Variants in CAPS2 observed in about 807,000 individuals in gnomAD.
CAPS2 encodes the protein calcyphosine 2.
In CAPS2, 98 loss-of-function variants were observed where a neutral mutation model predicts 86.5. The observed-to-expected ratio is 1.13, with a 90% confidence interval of 0.96 to 1.34. CAPS2 has a LOEUF of 1.34. Ranked by LOEUF, CAPS2 falls within the 40% of genes most tolerant of loss-of-function variation. The pLI is 0.00. For missense variants in CAPS2, 729 were observed against 686.8 expected, an observed-to-expected ratio of 1.06 and a Z score of -0.69; for synonymous variants, 210 against 225.1, an observed-to-expected ratio of 0.93 and a Z score of 0.60.
At chr12:75,316,554 T>C (rs2039784396) in intron 5 of CAPS2, 120 bp from the exon 6 acceptor site, 1 of 929,372 alleles carries the variant, frequency 1.1e-6, no homozygotes. Context: ...CAGTTAAAAG[T>C]ACAGGCTCTG....
At chr12:75,383,227 A>G (rs1459376908) in intron 1 of CAPS2, among the ~76,000 whole-genome samples, 1 of 152,224 alleles carries the variant, frequency 6.6e-6, no homozygotes, top group African/African-American at 2.4e-5. Context: ...ACTGACAGAT[A>G]CGAAAGATTG....
intron 1 of CAPS2, among the ~76,000 whole-genome samples, chr12:75,377,607 T>A (rs1425585403): frequency 6.6e-6 from 1 of 152,122 alleles, no homozygotes; most frequent in Non-Finnish European, 1.5e-5. Context: ...AGGAGAAAGA[T>A]GAAGGCTGAA....
chr12:75,322,911 G>C (rs11829763), intron 4 of CAPS2: 1 of 920,510 alleles, frequency 1.1e-6, no homozygotes, highest in African/African-American at 1.7e-5. Flanking sequence ...GCAAAACATA[G>C]ACTGAACATA....
At position 75,307,322 on chromosome 12, in the gene CAPS2, C is replaced by T. The variant is rs1352616746; in HGVS notation, c.660-2446G>A. 3.9e-5 allele frequency among the ~76,000 whole-genome samples: 6 copies of T among 152,188 alleles called. No homozygotes were observed. In the East Asian group the frequency reaches 9.6e-4, roughly 24 times the overall value. On this transcript the variant is annotated intron_variant, in intron 7 of 16. Transcript: ENST00000393284. ...AAGCACTCAATAGTTGAGGCTTTGC[C>T]TCCGAATTCCCCTTTTACTGCATAT...
intron 1 of CAPS2, chr12:75,390,774 A>G (rs1231160275): frequency 3.9e-6 from 2 of 519,372 alleles, no homozygotes; most frequent in African/African-American, 3.8e-5. Context: ...CATATCATTC[A>G]GTGTCAGAAA....
intron 7 of CAPS2, among the ~76,000 whole-genome samples, chr12:75,309,385 A>G (rs1193758859): frequency 6.6e-6 from 1 of 152,172 alleles, no homozygotes; most frequent in East Asian, 1.9e-4. Context: ...AGAACCTGGA[A>G]CTACACGGCA....
chr12:75,344,544 G>C (rs563242317), intron 1 of CAPS2, among the ~76,000 whole-genome samples: 1 of 152,104 alleles, frequency 6.6e-6, no homozygotes, highest in East Asian at 1.9e-4. Context: ...ATATGAGATA[G>C]AGTTGCAATA....
At chr12:75,286,583 T>A (rs904505197) in intron 14 of CAPS2, among the ~76,000 whole-genome samples, 1 of 151,820 alleles carries the variant, frequency 6.6e-6, no homozygotes, top group Non-Finnish European at 1.5e-5. Context: ...ATAATTACAT[T>A]TAAAAAAGCT....
chr12:75,289,868 T>C lies in CAPS2; in HGVS notation c.1241-93A>G. 3 of 872,804 alleles carry C rather than the reference T, an allele frequency of 3.4e-6. No homozygotes were observed. In the South Asian group the frequency reaches 5.2e-5, roughly 15 times the overall value. The allele number at this position is 872,804 out of a possible 1,614,324, so 54.1% of individuals were successfully genotyped here. Reference sequence around the variant, plus strand: ...TTTCATAAGAAAATTAAAGTTGATGTAACTGAAATAAGGAATGTGAATATT... The same window carrying C: ...TTTCATAAGAAAATTAAAGTTGATGCAACTGAAATAAGGAATGTGAATATT... On this transcript the variant is annotated intron_variant, in intron 13 of 16. Coordinates refer to ENST00000393284, the Ensembl canonical transcript of CAPS2.
exon 17 of CAPS2, chr12:75,277,584 C>G (rs1253202095): frequency 1.0e-6 from 1 of 975,310 alleles, no homozygotes. Context: ...CATATTTTCC[C>G]TCTCATGTTT....
chr12:75,324,528 G>A (rs1055655444), intron 2 of CAPS2, among the ~76,000 whole-genome samples: 3 of 152,040 alleles, frequency 2.0e-5, no homozygotes, highest in South Asian at 4.2e-4. Flanking sequence ...TTACTTACTC[G>A]ATATCTTGGA....
intron 11 of CAPS2, chr12:75,298,450 A>C: frequency 2.1e-6 from 1 of 467,048 alleles, no homozygotes; most frequent in Admixed American, 3.4e-5. Flanking sequence ...ATGTTGTGGA[A>C]TGGGAAGGGG....
intron 2 of CAPS2, among the ~76,000 whole-genome samples, chr12:75,324,509 C>T (rs2040588122): frequency 6.6e-6 from 1 of 152,116 alleles, no homozygotes; most frequent in Non-Finnish European, 1.5e-5. Context: ...ACAACTGACA[C>T]AGCCATTGTT....
intron 6 of CAPS2, among the ~76,000 whole-genome samples, chr12:75,314,248 C>A (rs1388595727): frequency 6.6e-6 from 1 of 151,852 alleles, no homozygotes; most frequent in African/African-American, 2.4e-5. Flanking sequence ...TAATGTTAAA[C>A]CAAAATTTAA....
chr12:75,305,439 C>A (rs530086515), intron 7 of CAPS2: 114 of 501,522 alleles, frequency 2.3e-4, no homozygotes, highest in African/African-American at 2.1e-3. Context: ...TGTCAGAGGG[C>A]ACAGACCGGT....
At chr12:75,333,800 CT>C (rs1384866994), upstream of CAPS2, 2 of 151,872 alleles carry the variant, frequency 1.3e-5, no homozygotes, top group Non-Finnish European at 2.9e-5. Flanking sequence ...CTTCAAATTA[CT>C]AAGTAAAGGT....
At chr12:75,299,848 C>A (rs1280383652) in exon 9 of CAPS2, 1 of 1,510,126 alleles carries the variant, frequency 6.6e-7, no homozygotes, top group South Asian at 1.2e-5. Flanking sequence ...GTGATACGAT[C>A]CTACCATCAA....
At chr12:75,282,126 C>A in intron 16 of CAPS2, 125 bp downstream of exon 16, 2 of 647,594 alleles carry the variant, frequency 3.1e-6, no homozygotes, top group Admixed American at 2.8e-5. Context: ...CATAAGTTTC[C>A]AGTTCAAAAA....
rs753271290 is a variant in CAPS2 at position 75,336,197 on chromosome 12, A to T, written c.-394-12975T>A. 1.4e-3 allele frequency among the ~76,000 whole-genome samples: 219 copies of T among 152,084 alleles called. 2 individuals are homozygous for T. The highest frequency in any genetic ancestry group is 4.3e-4 in the Non-Finnish European group (29 of 67,822). On this transcript the variant is annotated intron_variant, in intron 1 of 5. Transcript: ENST00000551829. Reference sequence around the variant, plus strand: ...GCATATTTTAATATCTAGGATAACCATTAAAAATATACAAAGAAGTAGAGC... The same window carrying T: ...GCATATTTTAATATCTAGGATAACCTTTAAAAATATACAAAGAAGTAGAGC...
Sources: gnomAD v4.1 joint callset for allele counts (sites outside exome capture counted in the v4.1 genomes callset) on GRCh38, gnomAD v4.1.1 for gene constraint, MANE v1.5 for transcripts, NCBI Gene and HGNC (gene_info 2026-07-23, HGNC 2026-07-21) for gene names.